Variants in APPL2 observed in about 807,000 individuals in gnomAD.
APPL2 encodes the protein DCC-interacting protein 13-beta.
In APPL2, 84 loss-of-function variants were observed where a neutral mutation model predicts 92.7. The ratio of observed to expected loss-of-function variants is 0.91; its 90% CI spans 0.76 to 1.09. The LOEUF (loss-of-function observed/expected upper bound fraction) is 1.09, where lower values mean the gene tolerates loss of function less well. Ranked by LOEUF, APPL2 falls within the 50% of genes least tolerant of loss-of-function variation. The probability of loss-of-function intolerance (pLI) is 0.00; values close to 1 mark genes in which losing one functional copy is unlikely to be tolerated. For synonymous variants in APPL2, 291 were observed against 291.0 expected (o/e 1.00, Z 0.00); for missense variants, 736 against 824.5 (o/e 0.89, Z 1.31).
chr12:105,198,871 A>G (rs1396532839), intron 10 of APPL2, among the ~76,000 whole-genome samples: 1 of 152,224 alleles, frequency 6.6e-6, no homozygotes, highest in Non-Finnish European at 1.5e-5. Flanking sequence ...CTCTCTGCTC[A>G]CAGAAATACT....
At chr12:105,223,024 A>G (rs948038441) in intron 2 of APPL2, among the ~76,000 whole-genome samples, 2 of 152,250 alleles carry the variant, frequency 1.3e-5, no homozygotes, top group African/African-American at 4.8e-5. Context: ...GCCAGCAACA[A>G]GACAAGAGGA....
chr12:105,197,822 G>T lies in APPL2; in HGVS notation c.995C>A (p.Ala332Asp). 1 of 1,614,152 alleles carries T rather than the reference G, an allele frequency of 6.2e-7. No homozygotes were observed. Among genetic ancestry groups the T allele is most frequent in the Non-Finnish European group, 8.5e-7 (1 of 1,180,036 alleles). Residue 332 changes from alanine to aspartate, a missense_variant, in exon 11 of 21, where the codon GCC (alanine) becomes GAC (aspartate). Coordinates refer to ENST00000258530, the MANE Select transcript of APPL2 (RefSeq NM_018171.5). ...IQDLDNCSVMAVDCEDRRYCF... is the reference protein window; with the variant it reads ...IQDLDNCSVMDVDCEDRRYCF... ...GTAGCGCCGGTCTTCGCAATCCACG[G>T]CCATCACTGAGCAGTTGTCCAGGTC...
At chr12:105,198,136 A>T (rs1887829342) in intron 10 of APPL2, among the ~76,000 whole-genome samples, 183 bp from the exon 11 acceptor site, 1 of 152,184 alleles carries the variant, frequency 6.6e-6, no homozygotes, top group African/African-American at 2.4e-5. Flanking sequence ...AGCTGGAATG[A>T]TCTGGGAGAT....
Position 105,195,315 on chromosome 12 carries a change from T to C in APPL2, c.1187A>G (p.Gln396Arg), listed in dbSNP as rs1484731651. The C allele has an allele frequency of 6.2e-7, 1 of 1,614,236 alleles. No homozygotes were observed. The highest frequency in any genetic ancestry group is 1.1e-5 in the South Asian group (1 of 91,086). Residue 396 changes from glutamine (Q) to arginine (R), a missense_variant, in exon 14 of 21, where the codon CAA becomes CGA. Gln to Arg is a conservative substitution (Grantham distance 43). Transcript: ENST00000258530. Reference protein sequence around the residue: ...VAIKLNQTALQAVTPITSFGK... With the variant: ...VAIKLNQTALRAVTPITSFGK... ...AAAACTTGTAATGGGAGTCACTGCT[T>C]GCAGAGCGGTCTGATTCAACTTGAT...
chr12:105,217,561 G>A, intron 3 of APPL2, 105 bp downstream of exon 3: 1 of 1,132,138 alleles, frequency 8.8e-7, no homozygotes, highest in Non-Finnish European at 1.3e-6. Context: ...AAACTATGAA[G>A]AAAATGAAAC....
chr12:105,176,772 G>T, intron 19 of APPL2, 104 bp downstream of exon 19: 2 of 1,410,534 alleles, frequency 1.4e-6, no homozygotes, highest in Non-Finnish European at 1.9e-6. Flanking sequence ...ATGGAGACAT[G>T]CAGAATAATC....
Position 105,189,771 on chromosome 12 carries a change from C to A in APPL2, c.1459+1G>T. ...ATAAGGACACCAAACTAGTCACTTA[C>A]CTTCTGCTTCTGGAAATGATTCATC... is the stretch of plus-strand genomic sequence containing the variant. On this transcript the variant is annotated splice_donor_variant, in intron 16 of 20. Coordinates refer to ENST00000258530, the MANE Select transcript of APPL2 (RefSeq NM_018171.5). LOFTEE classifies it high-confidence loss of function. The A allele has an allele frequency of 6.2e-7, 1 of 1,614,162 alleles. No individual in the cohort carries two copies. The highest frequency in any genetic ancestry group is 8.5e-7 in the Non-Finnish European group (1 of 1,179,994).
At chr12:105,178,011 G>A (rs568959033) in intron 17 of APPL2, among the ~76,000 whole-genome samples, 5 of 152,206 alleles carry the variant, frequency 3.3e-5, no homozygotes, top group East Asian at 1.9e-4. Context: ...GGCTGGTGTC[G>A]AACTCCTGAC....
chr12:105,185,849 T>A (rs60835294), intron 17 of APPL2, among the ~76,000 whole-genome samples: 19,906 of 152,188 alleles, frequency 0.13, 1,503 homozygotes, highest in African/African-American at 0.22. Flanking sequence ...AGTGTCTTCA[T>A]AACTTTGTGC....
At chr12:105,186,622 T>TATCATATATATGATATCG in intron 17 of APPL2, among the ~76,000 whole-genome samples, 1 of 125,674 alleles carries the variant, frequency 8.0e-6, no homozygotes, top group African/African-American at 3.3e-5. Flanking sequence ...ATATCATATA[T>TATCATATATATGATATCG]ATATCATATA....
intron 2 of APPL2, among the ~76,000 whole-genome samples, chr12:105,226,306 T>C (rs1890498593): frequency 6.6e-6 from 1 of 152,258 alleles, no homozygotes; most frequent in African/African-American, 2.4e-5. Context: ...TGATCACTGC[T>C]TGACTCTGTC....
intron 7 of APPL2, 62 bp downstream of exon 7, chr12:105,207,909 G>T: frequency 7.0e-7 from 1 of 1,435,602 alleles, no homozygotes; most frequent in Non-Finnish European, 9.8e-7. Flanking sequence ...AAATTCACAA[G>T]AGGAAGGCAT....
Position 105,207,199 on chromosome 12 carries a change from G to C in APPL2, c.483C>G (p.Thr161=). ...PKKKENEKVK[T]EVGKEVAAAR... ...CCGCGGCCACCTCTTTTCCGACTTC[G>C]GTCTTCACCTGGTTAAAAGGTGAAA... Residue 161 remains threonine, a synonymous_variant, in exon 8 of 21, where the codon ACC becomes ACG. Coordinates refer to ENST00000258530, the MANE Select transcript of APPL2 (RefSeq NM_018171.5). 1.2e-6 allele frequency: 2 copies of C among 1,612,592 alleles called. No homozygotes were observed. The highest frequency in any genetic ancestry group is 1.7e-6 in the Non-Finnish European group (2 of 1,179,626).
At chr12:105,211,418 AC>A in intron 4 of APPL2, 101 bp from the exon 5 acceptor site, 1 of 834,548 alleles carries the variant, frequency 1.2e-6, no homozygotes, top group Admixed American at 2.1e-5. Context: ...CCGTGTGGTC[AC>A]AGAGCTCAGG....
intron 4 of APPL2, 87 bp from the exon 5 acceptor site, chr12:105,211,404 A>T: frequency 7.3e-6 from 7 of 963,138 alleles, no homozygotes; most frequent in South Asian, 1.4e-5. Flanking sequence ...CACACTGAAC[A>T]CTTCCGTGTG....
At chr12:105,190,302 T>C in intron 14 of APPL2, 147 bp from the exon 15 acceptor site, 1 of 926,230 alleles carries the variant, frequency 1.1e-6, no homozygotes, top group Non-Finnish European at 1.6e-6. Context: ...ATAAACCTTC[T>C]TCAAACTTCC....
At chr12:105,217,256 G>A (rs752733761) in intron 3 of APPL2, 116 bp from the exon 4 acceptor site, 16 of 656,732 alleles carry the variant, frequency 2.4e-5, no homozygotes, top group African/African-American at 5.4e-5. Context: ...CCAAGAGCAC[G>A]TCCTATCAGA....
At chr12:105,189,045 G>A (rs964423351) in intron 16 of APPL2, among the ~76,000 whole-genome samples, 11 of 152,026 alleles carry the variant, frequency 7.2e-5, no homozygotes, top group African/African-American at 2.7e-4. Flanking sequence ...TTGAGACAGG[G>A]TCTCACTCTG....
intron 9 of APPL2, among the ~76,000 whole-genome samples, chr12:105,202,510 C>T (rs1438419144): frequency 3.3e-5 from 5 of 152,062 alleles, no homozygotes; most frequent in African/African-American, 1.2e-4. Context: ...CACAGAAGTG[C>T]GAGGAATTCT....
Sources: allele counts gnomAD v4.1 joint callset (sites outside exome capture counted in the v4.1 genomes callset), GRCh38; gene constraint gnomAD v4.1.1; transcripts MANE v1.5; gene names NCBI Gene and HGNC (gene_info 2026-07-23, HGNC 2026-07-21).